TBCD: variants seen among roughly 807,000 people sequenced by gnomAD.
TBCD encodes tubulin folding cofactor D, also known as tubulin-specific chaperone D.
A neutral mutation model predicts 169.3 loss-of-function variants in TBCD; 105 were observed. The ratio of observed to expected loss-of-function variants is 0.62; its 90% CI spans 0.53 to 0.73. The LOEUF is 0.73. TBCD is among the 30% of genes least tolerant of loss of function. The pLI is 0.00. For synonymous variants in TBCD, 700 were observed against 643.9 expected (o/e 1.09, Z -1.32); for missense variants, 1,444 against 1,600.1 (o/e 0.90, Z 1.66).
intron 13 of TBCD, among the ~76,000 whole-genome samples, chr17:82,852,875 G>T (rs918337418): frequency 6.6e-6 from 1 of 152,184 alleles, no homozygotes; most frequent in Non-Finnish European, 1.5e-5. Flanking sequence ...GTATAGGCCT[G>T]GGCTTGGAGC....
In TBCD at chr17:82,772,339, T is replaced by C. The variant is rs548772500; in HGVS notation, c.583-113T>C. ...GGACTTAGGCCTGTGCTGGTAAGGT[T>C]TGTGAACCTGGGCCCTCGGGGAGCT... On this transcript the variant is annotated intron_variant, in intron 5 of 38. Transcript: ENST00000355528. 505 of 1,094,114 alleles carry C rather than the reference T, an allele frequency of 4.6e-4. 9 individuals carry two copies. In the South Asian group the frequency reaches 6.2e-3, roughly 13 times the overall value. 67.8% of individuals were successfully genotyped at this position (1,094,114 alleles called of 1,614,324 possible).
At chr17:82,851,321 C>T (rs887339349) in intron 13 of TBCD, among the ~76,000 whole-genome samples, 3 of 152,122 alleles carry the variant, frequency 2.0e-5, no homozygotes, top group Non-Finnish European at 2.9e-5. Context: ...ATTATTCTAT[C>T]TAAAATTTTG....
chr17:82,807,826 TG>T (rs1280695025), intron 11 of TBCD, among the ~76,000 whole-genome samples, 158 bp downstream of exon 11: 1 of 152,232 alleles, frequency 6.6e-6, no homozygotes, highest in East Asian at 1.9e-4. Context: ...GGCGTGAAGA[TG>T]GTTCCCGAGG....
At chr17:82,855,746 GA>G (rs1036138912) in intron 13 of TBCD, among the ~76,000 whole-genome samples, 20 of 152,022 alleles carry the variant, frequency 1.3e-4, no homozygotes, top group African/African-American at 4.4e-4. Flanking sequence ...TTTTGTCACC[GA>G]AAAAATACTC....
At chr17:82,834,380 C>T (rs965308360) in intron 13 of TBCD, among the ~76,000 whole-genome samples, 2 of 152,106 alleles carry the variant, frequency 1.3e-5, no homozygotes, top group Non-Finnish European at 2.9e-5. Flanking sequence ...AGGCTAAGCA[C>T]TTTAATTCGT....
At chr17:82,817,306 C>T (rs1406667033) in intron 13 of TBCD, among the ~76,000 whole-genome samples, 1 of 150,744 alleles carries the variant, frequency 6.6e-6, no homozygotes, top group Non-Finnish European at 1.5e-5. Context: ...ACTTTTTTTT[C>T]TTTTTTTGAG....
chr17:82,913,839 A>C (rs956181792), intron 23 of TBCD: 1 of 152,264 alleles, frequency 6.6e-6, no homozygotes, highest in Non-Finnish European at 1.5e-5. Context: ...CATTGCTGCC[A>C]CCTACCCATG....
chr17:82,781,868 C>A, intron 7 of TBCD, 147 bp downstream of exon 7: 1 of 1,305,848 alleles, frequency 7.7e-7, no homozygotes, highest in South Asian at 1.5e-5. Context: ...TGGGCAGTTT[C>A]CTTTTCCCTC....
intron 13 of TBCD, among the ~76,000 whole-genome samples, chr17:82,828,147 A>G (rs1444556097): frequency 7.5e-6 from 1 of 133,066 alleles, no homozygotes; most frequent in Non-Finnish European, 1.6e-5. Context: ...ATGTGCATAC[A>G]CCCACAGACA....
At chr17:82,901,518 C>G (rs574250263) in intron 18 of TBCD, among the ~76,000 whole-genome samples, 10 of 149,870 alleles carry the variant, frequency 6.7e-5, no homozygotes, top group African/African-American at 2.2e-4. Flanking sequence ...GCCCGGCTGC[C>G]TACTGTGGTC....
chr17:82,926,206 G>T (rs944108559), intron 27 of TBCD, among the ~76,000 whole-genome samples, 194 bp from the exon 28 acceptor site: 8 of 148,956 alleles, frequency 5.4e-5, no homozygotes, highest in African/African-American at 2.0e-4. Context: ...CCGTGGAGAG[G>T]CTGGAGGTGA....
At position 82,944,707 on chromosome 17, in the gene TBCD, C is replaced by A. The variant is rs909147934; in HGVS notation, c.*2244C>A. 1.3e-5 allele frequency: 2 copies of A among 152,248 alleles called. No homozygotes were observed. The highest frequency in any genetic ancestry group is 2.4e-5 in the African/African-American group (1 of 41,530). The allele number at this position is 152,248 out of a possible 1,614,324, so 9.4% of individuals were successfully genotyped here. A position where few individuals can be genotyped will look rare whatever the true frequency, so the allele number is the denominator to read the frequency against. ...GGGAGCTGATGTGGGATTTGTGTAC[C>A]CACAAACACGTTCTAGGTGCTAACC... On this transcript the variant is annotated 3_prime_UTR_variant, in exon 39 of 39. Coordinates refer to ENST00000355528, the MANE Select transcript of TBCD (RefSeq NM_005993.5).
rs75596709 is a variant in TBCD, at chr17:82,794,256, G to A, written c.772-3501G>A. 8.1e-4 allele frequency among the ~76,000 whole-genome samples: 119 copies of A among 146,782 alleles called. 1 individual carries two copies. Among genetic ancestry groups the A allele is most frequent in the African/African-American group, 3.0e-3 (117 of 38,582 alleles). On this transcript the variant is annotated intron_variant, in intron 7 of 38. Coordinates refer to ENST00000355528, the MANE Select transcript of TBCD (RefSeq NM_005993.5). ...TACTGGGCTTGGAGAACATGCCCCA[G>A]GGGGGGGAAGCTGGCTCGCACGTTG... is the stretch of plus-strand genomic sequence containing the variant.
intron 17 of TBCD, chr17:82,895,756 C>T (rs2059431055): frequency 6.6e-6 from 1 of 152,188 alleles, no homozygotes; most frequent in African/African-American, 2.4e-5. Flanking sequence ...GTTGGGGCCT[C>T]AGCTTGCACG....
In TBCD at chr17:82,927,237, C is replaced by T. The variant is rs752420901; in HGVS notation, c.2523C>T (p.Cys841=). 1.9e-5 allele frequency: 30 copies of T among 1,613,910 alleles called. No homozygotes were observed. Among genetic ancestry groups the T allele is most frequent in the Admixed American group, 5.0e-5 (3 of 60,022 alleles). ...CAGGAGCCCCAGACGAAGCTGTGTG[C>T]GGAGAGAATGTTTCCCAGATTTACT... The part of the protein sequence containing the change: ...VKAGAPDEAV[C]GENVSQIYCA... Residue 841 remains cysteine (C), a synonymous_variant, in exon 29 of 39, where the codon TGC becomes TGT. Coordinates refer to ENST00000355528, the MANE Select transcript of TBCD (RefSeq NM_005993.5).
chr17:82,783,541 A>G (rs557019910), intron 7 of TBCD, among the ~76,000 whole-genome samples: 1 of 152,242 alleles, frequency 6.6e-6, no homozygotes, highest in East Asian at 1.9e-4. Context: ...GCAGCCGTGG[A>G]TCCATGTGCT....
At chr17:82,886,642 TCC>T (rs1567959281) in intron 15 of TBCD, among the ~76,000 whole-genome samples, 2 of 3,358 alleles carry the variant, frequency 6.0e-4, no homozygotes, top group Non-Finnish European at 1.4e-3. Context: ...TTTTCTCCCC[TCC>T]CCTCCCCTCC....
intron 7 of TBCD, among the ~76,000 whole-genome samples, chr17:82,796,551 C>T (rs1568146437): frequency 6.6e-6 from 1 of 152,164 alleles, no homozygotes; most frequent in African/African-American, 2.4e-5. Flanking sequence ...TGCCACTGCC[C>T]CATTTTACAG....
intron 1 of TBCD, among the ~76,000 whole-genome samples, chr17:82,753,447 C>CTTTTTTTTTTTTTT (rs59839519): frequency 1.9e-5 from 2 of 104,292 alleles, no homozygotes; most frequent in Admixed American, 1.1e-4. Context: ...TGGCTTCTTC[C>CTTTTTTTTTTTTTT]TTTTTTTTTT....
Sources: gnomAD v4.1 joint callset for allele counts (sites outside exome capture counted in the v4.1 genomes callset) on GRCh38, gnomAD v4.1.1 for gene constraint, MANE v1.5 for transcripts, NCBI Gene and HGNC (gene_info 2026-07-23, HGNC 2026-07-21) for gene names.